TCF20: variants seen among roughly 807,000 people sequenced by gnomAD.
TCF20 encodes the protein SPRE-binding protein.
Under a neutral mutation model 148.6 loss-of-function variants are expected in TCF20, and 3 were observed. That is an observed-to-expected ratio of 0.02 (90% CI 0.01 to 0.05). TCF20 has a LOEUF of 0.05. Among genes scored for constraint, TCF20 ranks in the 10% least tolerant of loss-of-function variants. The pLI, the probability that TCF20 is intolerant of heterozygous loss-of-function variation, is 1.00. For missense variants in TCF20, 2,350 were observed against 2,429.3 expected (o/e 0.97, Z 0.69); for synonymous variants, 1,049 against 909.5 (o/e 1.15, Z -2.76).
intron 1 of TCF20, among the ~76,000 whole-genome samples, chr22:42,325,100 G>A (rs1316358974): frequency 6.6e-6 from 1 of 152,256 alleles, no homozygotes; most frequent in African/African-American, 2.4e-5. Context: ...TCTGCCGGCA[G>A]CCCCAACTAC....
At chr22:42,242,282 TAGAA>T (rs1924509375) in intron 1 of TCF20, among the ~76,000 whole-genome samples, 1 of 149,768 alleles carries the variant, frequency 6.7e-6, no homozygotes, top group African/African-American at 2.5e-5. Flanking sequence ...GGTGGACTCT[TAGAA>T]TGAGAAGGGA....
intron 1 of TCF20, among the ~76,000 whole-genome samples, chr22:42,302,008 G>A (rs1044670423): frequency 2.0e-5 from 3 of 152,224 alleles, no homozygotes; most frequent in African/African-American, 7.2e-5. Flanking sequence ...GCCTCTTGGA[G>A]GAGCTGGGAG....
chr22:42,178,578 A>G (rs1267711456), intron 3 of TCF20, among the ~76,000 whole-genome samples: 1 of 148,478 alleles, frequency 6.7e-6, no homozygotes, highest in East Asian at 2.0e-4. Context: ...CAGAATTACA[A>G]ATAATTCTTT....
At chr22:42,205,013 G>T (rs1184638694) in intron 2 of TCF20, among the ~76,000 whole-genome samples, 1 of 152,142 alleles carries the variant, frequency 6.6e-6, no homozygotes, top group African/African-American at 2.4e-5. Flanking sequence ...CACTAGTAGG[G>T]CTATCCAGCC....
At chr22:42,236,283 A>G (rs1163639253) in intron 1 of TCF20, among the ~76,000 whole-genome samples, 1 of 152,182 alleles carries the variant, frequency 6.6e-6, no homozygotes, top group Non-Finnish European at 1.5e-5. Context: ...AACACAATAA[A>G]TAACTACTGA....
At chr22:42,341,012 G>A (rs756265703) in intron 1 of TCF20, among the ~76,000 whole-genome samples, 10 of 152,100 alleles carry the variant, frequency 6.6e-5, no homozygotes, top group Admixed American at 2.6e-4. Context: ...GCTGCGGGGC[G>A]CGCAGCTCTG....
chr22:42,319,334 C>T lies in TCF20; in HGVS notation c.-37+24145G>A, dbSNP rs530386498. On this transcript the variant is annotated intron_variant, in intron 1 of 1. Coordinates refer to the TCF20 transcript ENST00000515426. ...GATCTGGGGGCCAGGCCACCTGCTGCTGCTCTAAACTCCCCAAGTGCTCCA... is the reference window on the plus strand; with the variant it reads ...GATCTGGGGGCCAGGCCACCTGCTGTTGCTCTAAACTCCCCAAGTGCTCCA... 1.8e-4 allele frequency among the ~76,000 whole-genome samples: 27 copies of T among 152,294 alleles called. No individual in the cohort carries two copies. In the East Asian group the frequency reaches 1.9e-3, roughly 11 times the overall value.
intron 1 of TCF20, among the ~76,000 whole-genome samples, chr22:42,331,642 C>T (rs1927976751): frequency 6.6e-6 from 1 of 152,250 alleles, no homozygotes; most frequent in Admixed American, 6.5e-5. Flanking sequence ...ATGTCTAGGG[C>T]TTGAGCCCTG....
chr22:42,255,665 C>G (rs1324954873), intron 1 of TCF20, among the ~76,000 whole-genome samples: 1 of 152,064 alleles, frequency 6.6e-6, no homozygotes, highest in African/African-American at 2.4e-5. Flanking sequence ...TTTTACAGAT[C>G]CTTCTTATGC....
At chr22:42,269,209 C>G (rs1202752865) in intron 1 of TCF20, among the ~76,000 whole-genome samples, 1 of 152,072 alleles carries the variant, frequency 6.6e-6, no homozygotes, top group Non-Finnish European at 1.5e-5. Context: ...ACATAAGGGT[C>G]CAATTATCAT....
At chr22:42,291,845 TA>T (rs1169413266) in intron 1 of TCF20, among the ~76,000 whole-genome samples, 1 of 151,738 alleles carries the variant, frequency 6.6e-6, no homozygotes, top group Non-Finnish European at 1.5e-5. Context: ...CAGCCCAGCC[TA>T]AAGAAGCAAG....
intron 2 of TCF20, among the ~76,000 whole-genome samples, chr22:42,190,714 C>T (rs1474448079): frequency 6.6e-6 from 1 of 152,162 alleles, no homozygotes; most frequent in East Asian, 1.9e-4. Context: ...CTATTTAGAG[C>T]GTATTTTACA....
chr22:42,164,212 CTTTTTTTTTT>C (rs56079117), intron 5 of TCF20, among the ~76,000 whole-genome samples: 1 of 83,556 alleles, frequency 1.2e-5, no homozygotes, highest in African/African-American at 4.8e-5. Context: ...TCATTTCTTT[CTTTTTTTTTT>C]TTTTTTTTTT....
intron 3 of TCF20, among the ~76,000 whole-genome samples, chr22:42,178,342 G>T (rs1601530703): frequency 6.6e-6 from 1 of 152,222 alleles, no homozygotes; most frequent in East Asian, 1.9e-4. Context: ...AGAAACACAG[G>T]TCATAACACA....
chr22:42,273,439 G>GCAGCTAGTGTTAACAGT (rs1926697182), upstream of TCF20, among the ~76,000 whole-genome samples: 1 of 149,612 alleles, frequency 6.7e-6, no homozygotes, highest in Admixed American at 6.7e-5. Flanking sequence ...TCTATGACAT[G>GCAGCTAGTGTTAACAGT]GACACAAAAG....
intron 1 of TCF20, among the ~76,000 whole-genome samples, chr22:42,221,041 C>T (rs1922307329): frequency 6.6e-6 from 1 of 152,212 alleles, no homozygotes; most frequent in Admixed American, 6.5e-5. Context: ...GACCACCCTC[C>T]TTCCAAGCTC....
chr22:42,213,121 TAGGATA>T lies in TCF20; in HGVS notation c.2179_2184del (p.Tyr727_Pro728del). 2.5e-6 allele frequency: 4 copies of T among 1,614,192 alleles called. No individual in the cohort carries two copies. Among genetic ancestry groups the T allele is most frequent in the Non-Finnish European group, 3.4e-6 (4 of 1,180,028 alleles). On this transcript the variant is annotated inframe_deletion, in exon 2 of 6. Coordinates refer to ENST00000677622, the MANE Select transcript of TCF20 (RefSeq NM_001378418.1). ...GTGAAATCTCCCTTTTCTTGCCCTG[TAGGATA>T]CTGAGGAAAGCCACTGACATTTCGT...
rs370377794 is a variant in TCF20, at chr22:42,235,230, C to T, written c.-36-19889G>A. Among the ~76,000 whole-genome samples the T allele has an allele frequency of 3.9e-4, 60 of 152,070 alleles. 2 individuals carry two copies. In the East Asian group the frequency reaches 5.2e-3, roughly 13 times the overall value. On this transcript the variant is annotated intron_variant, in intron 1 of 5. Transcript: ENST00000677622. ...GCCATAACTATGATAAGGAGGGTGC[C>T]ATGTATAAATGTAACAGACACTGAG...
chr22:42,328,667 G>C (rs1221465191), intron 1 of TCF20, among the ~76,000 whole-genome samples: 3 of 152,230 alleles, frequency 2.0e-5, no homozygotes, highest in Non-Finnish European at 4.4e-5. Context: ...CCTGGTCACA[G>C]GGTTGTGGGT....
Sources: gnomAD v4.1 joint callset for allele counts (sites outside exome capture counted in the v4.1 genomes callset) on GRCh38, gnomAD v4.1.1 for gene constraint, MANE v1.5 for transcripts, NCBI Gene and HGNC (gene_info 2026-07-23, HGNC 2026-07-21) for gene names.